Variants in PRPSAP2 observed in about 807,000 individuals in gnomAD.
PRPSAP2 encodes phosphoribosyl pyrophosphate synthetase associated protein 2, also known as phosphoribosyl pyrophosphate synthase-associated protein 2.
In PRPSAP2, 24 loss-of-function variants were observed where a neutral mutation model predicts 40.6. That is an observed-to-expected ratio of 0.59 (90% CI 0.43 to 0.83). The LOEUF (loss-of-function observed/expected upper bound fraction) is 0.83, where lower values mean the gene tolerates loss of function less well. PRPSAP2 is among the 40% of genes least tolerant of loss of function. The pLI is 0.00. For synonymous variants in PRPSAP2, 149 were observed against 164.7 expected (o/e 0.90, Z 0.73); for missense variants, 292 against 465.6 (o/e 0.63, Z 3.43).
chr17:18,872,537 T>G (rs779397816), intron 4 of PRPSAP2, 46 bp from the exon 5 acceptor site: 1 of 1,435,672 alleles, frequency 7.0e-7, no homozygotes, highest in South Asian at 1.2e-5. Context: ...TTTGAAAAAT[T>G]TGAACTATAT....
At chr17:18,891,837 T>C (rs2039561899) in intron 8 of PRPSAP2, among the ~76,000 whole-genome samples, 1 of 152,218 alleles carries the variant, frequency 6.6e-6, no homozygotes, top group African/African-American at 2.4e-5. Context: ...TGGTGTAGCA[T>C]GTAGTATCTC....
chr17:18,873,347 T>C (rs899332607), intron 5 of PRPSAP2, among the ~76,000 whole-genome samples: 1 of 151,954 alleles, frequency 6.6e-6, no homozygotes, highest in Non-Finnish European at 1.5e-5. Context: ...GCTGGGATTA[T>C]AGGCATGTGT....
At chr17:18,866,286 C>G (rs1025139198) in intron 3 of PRPSAP2, among the ~76,000 whole-genome samples, 1 of 152,018 alleles carries the variant, frequency 6.6e-6, no homozygotes, top group Non-Finnish European at 1.5e-5. Context: ...ACACTGGGGC[C>G]AGGCGCGGTG....
intron 8 of PRPSAP2, chr17:18,908,618 A>G: frequency 2.8e-6 from 2 of 723,056 alleles, no homozygotes; most frequent in Non-Finnish European, 5.1e-6. Flanking sequence ...GGTAGTGACC[A>G]TGCCTGGGTC....
intron 7 of PRPSAP2, among the ~76,000 whole-genome samples, chr17:18,886,716 C>T (rs1201358522): frequency 6.6e-6 from 1 of 152,026 alleles, no homozygotes. Flanking sequence ...CGCTGCACTG[C>T]TGGGGATGTG....
intron 5 of PRPSAP2, among the ~76,000 whole-genome samples, chr17:18,875,148 C>T (rs542167457): frequency 6.6e-6 from 1 of 152,258 alleles, no homozygotes; most frequent in East Asian, 1.9e-4. Flanking sequence ...ATTTTCTCTC[C>T]GTGTCTCATT....
intron 1 of PRPSAP2, chr17:18,861,378 C>A (rs573167860): frequency 1.3e-5 from 2 of 151,788 alleles, no homozygotes; most frequent in South Asian, 4.2e-4. Flanking sequence ...GCAGGAGAAT[C>A]GCTTGAACCG....
intron 8 of PRPSAP2, among the ~76,000 whole-genome samples, chr17:18,909,320 C>T (rs1040106363): frequency 6.7e-6 from 1 of 150,310 alleles, no homozygotes; most frequent in Non-Finnish European, 1.5e-5. Flanking sequence ...CCACTCACTG[C>T]GAGCTCCGCC....
intron 6 of PRPSAP2, among the ~76,000 whole-genome samples, chr17:18,879,219 G>A (rs576971376): frequency 8.1e-4 from 123 of 152,170 alleles, no homozygotes; most frequent in African/African-American, 2.9e-3. Context: ...TTTGCACAGA[G>A]TGAATAGAAT....
intron 6 of PRPSAP2, among the ~76,000 whole-genome samples, chr17:18,879,531 G>A (rs914604104): frequency 2.6e-5 from 4 of 151,932 alleles, no homozygotes; most frequent in Non-Finnish European, 4.4e-5. Flanking sequence ...TCGGCTCACC[G>A]CAACCTCCAC....
upstream of PRPSAP2, among the ~76,000 whole-genome samples, chr17:18,856,722 T>A (rs1377091730): frequency 6.6e-6 from 1 of 152,216 alleles, no homozygotes; most frequent in African/African-American, 2.4e-5. Context: ...AAGTGAAGAC[T>A]GGTGCAAAGC....
At chr17:18,910,890 T>C (rs1257180080) in intron 8 of PRPSAP2, among the ~76,000 whole-genome samples, 1 of 152,190 alleles carries the variant, frequency 6.6e-6, no homozygotes, top group African/African-American at 2.4e-5. Flanking sequence ...CTGCTGCCCT[T>C]CTTTGGTGCT....
chr17:18,884,028 G>A (rs2038954192), intron 7 of PRPSAP2, among the ~76,000 whole-genome samples: 2 of 152,000 alleles, frequency 1.3e-5, no homozygotes, highest in Admixed American at 6.6e-5. Flanking sequence ...CAGCACTTTG[G>A]GAGTCTGAGG....
At chr17:18,869,503 A>ATT (rs553779100) in intron 4 of PRPSAP2, among the ~76,000 whole-genome samples, 10 of 128,468 alleles carry the variant, frequency 7.8e-5, no homozygotes, top group East Asian at 4.3e-4. Flanking sequence ...CTGCCAGGCT[A>ATT]TTTTTTTTTT....
intron 1 of PRPSAP2, among the ~76,000 whole-genome samples, chr17:18,862,978 G>A (rs1340761094): frequency 6.8e-6 from 1 of 148,060 alleles, no homozygotes; most frequent in Non-Finnish European, 1.5e-5. Flanking sequence ...CCACCACCAC[G>A]CCCACCTAAT....
chr17:18,863,039 C>T (rs192941541), intron 1 of PRPSAP2, among the ~76,000 whole-genome samples: 14 of 152,182 alleles, frequency 9.2e-5, no homozygotes, highest in Admixed American at 6.5e-4. Flanking sequence ...CCAGGATGGT[C>T]TTGATCTCCT....
At chr17:18,899,965 C>T (rs971112605) in intron 8 of PRPSAP2, among the ~76,000 whole-genome samples, 14 of 152,230 alleles carry the variant, frequency 9.2e-5, no homozygotes, top group African/African-American at 2.9e-4. Context: ...CAGCTCACTG[C>T]AACCTCCGCT....
At chr17:18,924,746 G>C (rs1411532623) in intron 10 of PRPSAP2, among the ~76,000 whole-genome samples, 18 of 150,226 alleles carry the variant, frequency 1.2e-4, no homozygotes, top group African/African-American at 4.4e-4. Flanking sequence ...TCCAGCCTGG[G>C]TGACAGGGTG....
At chr17:18,925,956 T>G (rs368133895) in intron 10 of PRPSAP2, among the ~76,000 whole-genome samples, 14 of 152,000 alleles carry the variant, frequency 9.2e-5, no homozygotes, top group African/African-American at 3.1e-4. Context: ...ATACAAAAAA[T>G]TAGCCGGGCG....
Sources: gnomAD v4.1 joint callset for allele counts (sites outside exome capture counted in the v4.1 genomes callset) on GRCh38, gnomAD v4.1.1 for gene constraint, MANE v1.5 for transcripts, NCBI Gene and HGNC (gene_info 2026-07-23, HGNC 2026-07-21) for gene names.